Variants in XRCC4 observed in about 807,000 individuals in gnomAD.
XRCC4 encodes X-ray repair cross complementing 4.
In XRCC4, 28 loss-of-function variants were observed where a neutral mutation model predicts 39.1. The ratio of observed to expected loss-of-function variants is 0.72; its 90% CI spans 0.53 to 0.98. XRCC4 has a LOEUF of 0.98. Among genes scored for constraint, XRCC4 ranks in the 50% least tolerant of loss-of-function variants. XRCC4 has a pLI of 0.00. For missense variants in XRCC4, 350 were observed against 376.4 expected (o/e 0.93, Z 0.58); for synonymous variants, 123 against 126.4 (o/e 0.97, Z 0.18).
intron 6 of XRCC4, among the ~76,000 whole-genome samples, chr5:83,232,871 C>G (rs76928929): frequency 6.6e-6 from 1 of 152,058 alleles, no homozygotes; most frequent in African/African-American, 2.4e-5. Context: ...TAATATTAGG[C>G]CTTCATGGCT....
At chr5:83,079,074 T>C (rs1561309526) in intron 1 of XRCC4, among the ~76,000 whole-genome samples, 1 of 152,244 alleles carries the variant, frequency 6.6e-6, no homozygotes, top group African/African-American at 2.4e-5. Context: ...AATACTTCTG[T>C]ATGAAGCTCT....
intron 3 of XRCC4, among the ~76,000 whole-genome samples, chr5:83,165,202 C>T (rs1749404015): frequency 6.6e-6 from 1 of 151,808 alleles, no homozygotes; most frequent in South Asian, 2.1e-4. Flanking sequence ...AAAAAAAAAT[C>T]TAAACACACA....
chr5:83,097,466 TGG>T (rs998326120), intron 1 of XRCC4, among the ~76,000 whole-genome samples: 4 of 151,394 alleles, frequency 2.6e-5, no homozygotes, highest in African/African-American at 9.7e-5. Flanking sequence ...GGTTTGTGAG[TGG>T]GGGGAAAAAA....
intron 6 of XRCC4, among the ~76,000 whole-genome samples, chr5:83,228,958 T>C (rs572565438): frequency 3.9e-5 from 6 of 152,068 alleles, no homozygotes; most frequent in African/African-American, 1.4e-4. Context: ...TGGCCAAATA[T>C]TGGCACTATC....
the XRCC4 span, among the ~76,000 whole-genome samples, chr5:83,365,977 A>G: frequency 6.6e-6 from 1 of 152,316 alleles, no homozygotes; most frequent in Admixed American, 6.5e-5. Flanking sequence ...TGTTCTTCTT[A>G]CAGGAATCAA....
chr5:83,117,007 GT>G (rs1328125860), intron 3 of XRCC4, among the ~76,000 whole-genome samples: 1 of 152,114 alleles, frequency 6.6e-6, no homozygotes, highest in Non-Finnish European at 1.5e-5. Flanking sequence ...GGAGCAGTGG[GT>G]CAGCAATTTT....
chr5:83,103,678 A>C (rs981885924), intron 1 of XRCC4, among the ~76,000 whole-genome samples: 9 of 152,208 alleles, frequency 5.9e-5, no homozygotes, highest in Non-Finnish European at 1.0e-4. Context: ...GGAATGGATA[A>C]ATAACCTGTC....
At chr5:83,118,054 AC>A (rs1418498852) in intron 3 of XRCC4, among the ~76,000 whole-genome samples, 61 of 110,950 alleles carry the variant, frequency 5.5e-4, no homozygotes, top group African/African-American at 1.9e-3. Flanking sequence ...CCACACACAC[AC>A]ACACACACAC....
At chr5:83,363,533 C>G in the XRCC4 span, among the ~76,000 whole-genome samples, 640 of 152,228 alleles carry the variant, frequency 4.2e-3, 2 homozygotes, top group South Asian at 8.1e-3. Context: ...GTGTAATCCG[C>G]CGATGCTATT....
In XRCC4 at chr5:83,270,232, T is replaced by C. The variant is rs542596988; in HGVS notation, c.893+11555T>C. 2.0e-5 allele frequency among the ~76,000 whole-genome samples: 3 copies of C among 152,286 alleles called. No individual in the cohort carries two copies. In the South Asian group the frequency reaches 6.2e-4, roughly 32 times the overall value. On this transcript the variant is annotated intron_variant, in intron 7 of 7. Transcript: ENST00000396027. ...AGGCGGCTGTAAATACAGATGAAGC[T>C]TACTTACTCACCCACCACTCACCTA...
chr5:83,372,169 A>G, the XRCC4 span, among the ~76,000 whole-genome samples: 1 of 151,610 alleles, frequency 6.6e-6, no homozygotes, highest in East Asian at 1.9e-4. Context: ...ATCACTTCCC[A>G]GGTTAAGGAA....
chr5:83,135,045 C>T (rs890229417), intron 3 of XRCC4, among the ~76,000 whole-genome samples: 10 of 152,138 alleles, frequency 6.6e-5, no homozygotes, highest in African/African-American at 1.7e-4. Flanking sequence ...CGCGAGGGTC[C>T]GCAGCTTCAT....
chr5:83,127,743 G>A (rs1454648745), intron 3 of XRCC4, among the ~76,000 whole-genome samples: 2 of 152,026 alleles, frequency 1.3e-5, no homozygotes, highest in Admixed American at 6.6e-5. Context: ...TCTTCTGTTT[G>A]AAGGACTTCA....
At chr5:83,213,627 A>G (rs1282600204) in intron 6 of XRCC4, among the ~76,000 whole-genome samples, 2 of 152,186 alleles carry the variant, frequency 1.3e-5, no homozygotes, top group Non-Finnish European at 1.5e-5. Context: ...GGTGTTTTCT[A>G]TTGAAAATTT....
chr5:83,351,859 G>A (rs1757093590), intron 7 of XRCC4, among the ~76,000 whole-genome samples: 1 of 152,156 alleles, frequency 6.6e-6, no homozygotes. Context: ...TAAGGGTGCA[G>A]GCTTTTAAAA....
chr5:83,266,133 A>G (rs1753945654), intron 7 of XRCC4, among the ~76,000 whole-genome samples: 1 of 151,914 alleles, frequency 6.6e-6, no homozygotes, highest in Admixed American at 6.6e-5. Flanking sequence ...GCACTCTACC[A>G]ACATAGAATA....
At chr5:83,243,554 C>T (rs1752991701) in intron 6 of XRCC4, among the ~76,000 whole-genome samples, 1 of 152,150 alleles carries the variant, frequency 6.6e-6, no homozygotes, top group Admixed American at 6.5e-5. Context: ...TTTCCAAAGA[C>T]AGTCATATTC....
At chr5:83,090,832 A>G (rs895759857) in intron 1 of XRCC4, among the ~76,000 whole-genome samples, 1 of 152,160 alleles carries the variant, frequency 6.6e-6, no homozygotes, top group African/African-American at 2.4e-5. Context: ...AAGTTCAAAC[A>G]TATTTCTTAT....
the XRCC4 span, among the ~76,000 whole-genome samples, chr5:83,360,200 T>C: frequency 6.6e-6 from 1 of 152,146 alleles, no homozygotes; most frequent in Admixed American, 6.6e-5. Context: ...GTTCTCTCTG[T>C]CACTCTCTCA....
Sources: allele counts gnomAD v4.1 joint callset (sites outside exome capture counted in the v4.1 genomes callset), GRCh38; gene constraint gnomAD v4.1.1; transcripts MANE v1.5; gene names NCBI Gene and HGNC (gene_info 2026-07-23, HGNC 2026-07-21).